Variants in FGFR1 observed in about 807,000 individuals in gnomAD.
FGFR1 encodes the protein fibroblast growth factor receptor 1.
Under a neutral mutation model 93.7 loss-of-function variants are expected in FGFR1, and 18 were observed. The observed-to-expected ratio is 0.19, with a 90% CI of 0.13 to 0.28. The LOEUF (loss-of-function observed/expected upper bound fraction) is 0.28, where lower values mean the gene tolerates loss of function less well. FGFR1 is among the 10% of genes least tolerant of loss of function. The pLI is 1.00. For missense variants in FGFR1, 731 were observed against 1,080.4 expected (o/e 0.68, Z 4.53); for synonymous variants, 448 against 429.3 (o/e 1.04, Z -0.54).
rs1300585486 is a variant in FGFR1 at position 38,412,690 on chromosome 8, A to C, written c.*938T>G. 4.3e-6 allele frequency: 1 copy of C among 233,210 alleles called. No individual in the cohort carries two copies. Among genetic ancestry groups the C allele is most frequent in the African/African-American group, 2.2e-5 (1 of 45,238 alleles). The allele number at this position is 233,210 out of a possible 1,614,324, so 14.4% of individuals were successfully genotyped here. ...GGGCCCGTGGGTGTCCCTTCTTTCCAGTGGACATTCCCACCCTTTTCATAC... is the reference window on the plus strand; with the variant it reads ...GGGCCCGTGGGTGTCCCTTCTTTCCCGTGGACATTCCCACCCTTTTCATAC... On this transcript the variant is annotated 3_prime_UTR_variant, in exon 18 of 18. Transcript: ENST00000447712.
Position 38,446,606 on chromosome 8 carries a change from G to T in FGFR1, c.91+10750C>A, listed in dbSNP as rs191562252. 3.7e-3 allele frequency among the ~76,000 whole-genome samples: 562 copies of T among 152,088 alleles called. 2 individuals carry two copies. The highest frequency in any genetic ancestry group is 3.9e-3 in the Non-Finnish European group (267 of 67,998). ...TTTTTGTATTTTTTGTAGAGATGGG[G>T]TTTATGCCATGTTGCCCAAGCGGGT... On this transcript the variant is annotated intron_variant, in intron 2 of 17. Transcript: ENST00000447712.
chr8:38,457,378 C>T lies in FGFR1; in HGVS notation c.69G>A (p.Pro23=), dbSNP rs369704492. ...LVTATLCTAR[P]SPTLPEQAQP... ...TACCTTGTTCAGGCAAGGTCGGGGACGGCCTAGCGGTGCAGAGTGTGGCTG... is the reference window on the plus strand; with the variant it reads ...TACCTTGTTCAGGCAAGGTCGGGGATGGCCTAGCGGTGCAGAGTGTGGCTG... Residue 23 remains proline, a synonymous_variant, in exon 2 of 18, where the codon CCG becomes CCA. Transcript: ENST00000447712. The T allele has an allele frequency of 4.2e-5, 68 of 1,613,590 alleles. No homozygotes were observed. Among genetic ancestry groups the T allele is most frequent in the East Asian group, 3.8e-4 (17 of 44,870 alleles).
At chr8:38,465,397 T>C (rs989262767) in intron 1 of FGFR1, 1 of 232,186 alleles carries the variant, frequency 4.3e-6, no homozygotes, top group Non-Finnish European at 8.5e-6. Context: ...ATGAACCTCA[T>C]TAAAAAGCTG....
At chr8:38,461,644 G>A (rs189029788) in intron 1 of FGFR1, among the ~76,000 whole-genome samples, 4 of 152,190 alleles carry the variant, frequency 2.6e-5, no homozygotes, top group Admixed American at 2.6e-4. Context: ...GAGACAGTAT[G>A]AATTCACACC....
At chr8:38,415,330 G>A (rs1161343104) in intron 13 of FGFR1, among the ~76,000 whole-genome samples, 1 of 152,142 alleles carries the variant, frequency 6.6e-6, no homozygotes, top group Non-Finnish European at 1.5e-5. Flanking sequence ...GCCTTGCTCT[G>A]TCGCCCCGGC....
chr8:38,414,191 C>T lies in FGFR1; in HGVS notation c.2147G>A (p.Gly716Asp). ...GTTACTGGGCTTGTCCATGCGGTGA[C>T]CCTCCTTCAGCAGCTTGAAAAGTTC... Reference protein sequence around the residue: ...VEELFKLLKEGHRMDKPSNCT... With the variant: ...VEELFKLLKEDHRMDKPSNCT... The change falls in exon 16 of 18, where the codon GGT becomes GAT. Residue 716 changes from glycine (G) to aspartate (D), a missense_variant. Around this residue, in one of 10 missense-constraint regions of FGFR1, gnomAD observed 35 missense variants for 78.0 expected, o/e 0.45. Transcript: ENST00000447712. The T allele has an allele frequency of 6.2e-7, 1 of 1,614,180 alleles. No homozygotes were observed. The highest frequency in any genetic ancestry group is 8.5e-7 in the Non-Finnish European group (1 of 1,180,032).
In FGFR1 at chr8:38,468,154, C is replaced by A. The variant is rs1163351389; in HGVS notation, c.-262G>T. 2 of 227,898 alleles carry A rather than the reference C, an allele frequency of 8.8e-6. No individual in the cohort carries two copies. Among genetic ancestry groups the A allele is most frequent in the Admixed American group, 5.7e-5 (1 of 17,584 alleles). The allele number at this position is 227,898 out of a possible 1,614,324, so 14.1% of individuals were successfully genotyped here. On this transcript the variant is annotated 5_prime_UTR_variant, in exon 1 of 18. Coordinates refer to ENST00000447712, the MANE Select transcript of FGFR1 (RefSeq NM_023110.3). The stretch of plus-strand genomic sequence containing the variant: ...TCCCGGCGGCGCTCGGTGCTCGGCG[C>A]CTCCAGCCCGGGCGGGAACAATGGA...
In FGFR1 at chr8:38,413,938, C is replaced by T. The variant is rs527606454; in HGVS notation, c.2272G>A (p.Val758Met). ...KQLVEDLDRI[V>M]ALTSNQEYLD... ...CTTACCTGGTTGGAGGTCAAGGCCA[C>T]GATGCGGTCCAGGTCTTCCACCAGC... The change falls in exon 17 of 18, where the codon GTG (valine) becomes ATG (methionine). Residue 758 changes from valine (V) to methionine (M), a missense_variant. By Grantham distance (21) the Val-to-Met change is conservative (BLOSUM62 1). Transcript: ENST00000447712. This position sits in a 1 kb window ranked among gnomAD's most constrained non-coding sequence, Gnocchi z 4.2. 29 of 1,614,016 alleles carry T rather than the reference C, an allele frequency of 1.8e-5. No homozygotes were observed. Among genetic ancestry groups the T allele is most frequent in the Non-Finnish European group, 2.2e-5 (26 of 1,179,972 alleles).
intron 13 of FGFR1, among the ~76,000 whole-genome samples, chr8:38,415,143 G>C (rs1815950929): frequency 6.6e-6 from 1 of 152,176 alleles, no homozygotes. Flanking sequence ...TGCGTCTGCA[G>C]CGATGCATGC....
intron 14 of FGFR1, 73 bp downstream of exon 14, chr8:38,414,706 G>T: frequency 6.2e-7 from 1 of 1,613,402 alleles, no homozygotes; most frequent in East Asian, 2.2e-5. Flanking sequence ...ACTGGGGGGT[G>T]GGTTCTCAGC....
intron 2 of FGFR1, among the ~76,000 whole-genome samples, chr8:38,444,135 C>CA (rs1401089203): frequency 2.0e-5 from 3 of 148,976 alleles, no homozygotes; most frequent in African/African-American, 4.9e-5. Flanking sequence ...TCTTACTTGG[C>CA]AAAAAAGTTG....
rs767952313 is a variant in FGFR1, at chr8:38,418,392, T to C, written c.1285-19A>G. 6.2e-7 allele frequency: 1 copy of C among 1,611,660 alleles called. No individual in the cohort carries two copies. Among genetic ancestry groups the C allele is most frequent in the Non-Finnish European group, 8.5e-7 (1 of 1,178,904 alleles). The stretch of plus-strand genomic sequence containing the variant: ...CAGACACCTGCAAGGAAGAGTGGGG[T>C]CACCCTAGAGCAAGGAGGGGGGACG... On this transcript the variant is annotated intron_variant, in intron 9 of 17. Coordinates refer to ENST00000447712, the MANE Select transcript of FGFR1 (RefSeq NM_023110.3).
rs1322864764 is a variant in FGFR1, at chr8:38,459,868, T to C, written c.-88-2334A>G. ...AACTCTGGTAACAAAAGAGGCTTGA[T>C]TTGCAGTTCCATTGGTCAAAGATAG... On this transcript the variant is annotated intron_variant, in intron 1 of 17. Coordinates refer to ENST00000447712, the MANE Select transcript of FGFR1 (RefSeq NM_023110.3). Among the ~76,000 whole-genome samples, 3 of 152,186 alleles carry C rather than the reference T, an allele frequency of 2.0e-5. No homozygotes were observed. The East Asian group carries it at 5.8e-4, about 29-fold the overall frequency.
Position 38,458,672 on chromosome 8 carries a change from A to C in FGFR1, c.-88-1138T>G, listed in dbSNP as rs142092986. Among the ~76,000 whole-genome samples the C allele has an allele frequency of 4.5e-4, 68 of 152,346 alleles. No individual in the cohort carries two copies. Among genetic ancestry groups the C allele is most frequent in the Admixed American group, 1.4e-3 (21 of 15,302 alleles). ...CAGTAAATGGAAGCCAGGTACAGAG[A>C]TAACTAGTTAGTAGCTGCTGGACTC... On this transcript the variant is annotated intron_variant, in intron 1 of 17. Transcript: ENST00000447712.
At chr8:38,448,476 C>T (rs1830076157) in intron 2 of FGFR1, among the ~76,000 whole-genome samples, 1 of 152,116 alleles carries the variant, frequency 6.6e-6, no homozygotes, top group Non-Finnish European at 1.5e-5. Context: ...GACAGGGTTT[C>T]GCCAGGCTGG....
In FGFR1 at chr8:38,413,830, A is replaced by T. The variant is rs2150513638; in HGVS notation, c.2293-26T>A. ...CTGTGATGGGCGAGAGGAAGCAGCGATGGGCCGGGCCCCTCCTCCCTGCTC... is the reference window on the plus strand; with the variant it reads ...CTGTGATGGGCGAGAGGAAGCAGCGTTGGGCCGGGCCCCTCCTCCCTGCTC... On this transcript the variant is annotated intron_variant, in intron 17 of 17. Transcript: ENST00000447712. The surrounding 1 kb of genome is among the most constrained non-coding windows in gnomAD (Gnocchi z 4.2). The T allele has an allele frequency of 6.2e-7, 1 of 1,613,832 alleles. No individual in the cohort carries two copies. The highest frequency in any genetic ancestry group is 2.2e-5 in the East Asian group (1 of 44,842).
In FGFR1 at chr8:38,419,672, G is replaced by A. The variant is rs1028642828; in HGVS notation, c.1145C>T (p.Thr382Ile). The A allele has an allele frequency of 7.4e-6, 12 of 1,614,150 alleles. No individual in the cohort carries two copies. The highest frequency in any genetic ancestry group is 1.0e-5 in the Non-Finnish European group (12 of 1,180,024). ...PLYLEIIIYCTGAFLISCMVG... is the reference protein window; with the variant it reads ...PLYLEIIIYCIGAFLISCMVG... ...CATGCAGGAGATGAGGAAGGCCCCT[G>A]TGCAATAGATGATGATCTCCAGGTA... The change falls in exon 9 of 18, where the codon ACA (threonine) becomes ATA (isoleucine). Residue 382 changes from threonine (T) to isoleucine (I), a missense_variant. Around this residue, in one of 10 missense-constraint regions of FGFR1, gnomAD observed 146 missense variants for 173.0 expected, o/e 0.84. Coordinates refer to ENST00000447712, the MANE Select transcript of FGFR1 (RefSeq NM_023110.3).
intron 5 of FGFR1, among the ~76,000 whole-genome samples, chr8:38,427,618 C>A (rs1321229010): frequency 1.3e-5 from 2 of 152,080 alleles, no homozygotes; most frequent in Non-Finnish European, 2.9e-5. Flanking sequence ...CTTATACAGT[C>A]ATGAAAAATT....
At chr8:38,465,368 C>T (rs1835275566) in intron 1 of FGFR1, 1 of 232,452 alleles carries the variant, frequency 4.3e-6, no homozygotes, top group African/African-American at 2.2e-5. Flanking sequence ...GTACGCAGTC[C>T]AAGTGGCTCT....
Sources: gnomAD v4.1 joint callset for allele counts (sites outside exome capture counted in the v4.1 genomes callset) on GRCh38, gnomAD v4.1.1 for gene constraint, gnomAD v4.1.1 regional missense constraint, Gnocchi (gnomAD v3.1) non-coding constraint, MANE v1.5 for transcripts, NCBI Gene and HGNC (gene_info 2026-07-23, HGNC 2026-07-21) for gene names.